MIPOL1: variants seen among roughly 807,000 people sequenced by gnomAD.
MIPOL1 encodes the protein mirror-image polydactyly gene 1 protein.
A neutral mutation model predicts 60.9 loss-of-function variants in MIPOL1; 57 were observed. The observed-to-expected ratio is 0.94, with a 90% CI of 0.76 to 1.17. MIPOL1 has a LOEUF of 1.17. Ranked by LOEUF, MIPOL1 falls within the 50% of genes most tolerant of loss-of-function variation. MIPOL1 has a pLI of 0.00. For synonymous variants in MIPOL1, 179 were observed against 168.8 expected, an observed-to-expected ratio of 1.06 and a Z score of -0.47; for missense variants, 551 against 511.6, an observed-to-expected ratio of 1.08 and a Z score of -0.74.
chr14:37,304,913 T>A (rs1410136868), intron 7 of MIPOL1, among the ~76,000 whole-genome samples: 1 of 151,848 alleles, frequency 6.6e-6, no homozygotes, highest in Admixed American at 6.6e-5. Context: ...GAAATTCTTT[T>A]GTCTAATTGT....
At chr14:37,360,171 G>T (rs901565245) in intron 9 of MIPOL1, among the ~76,000 whole-genome samples, 1 of 152,056 alleles carries the variant, frequency 6.6e-6, no homozygotes, top group African/African-American at 2.4e-5. Flanking sequence ...GGATGAAGCC[G>T]ACTTGATCTT....
chr14:37,242,382 T>G (rs2153347393), intron 1 of MIPOL1, among the ~76,000 whole-genome samples: 1 of 152,272 alleles, frequency 6.6e-6, no homozygotes, highest in East Asian at 1.9e-4. Context: ...TTTCTGTTTT[T>G]AATTTATCCA....
rs1189803717 is a variant in MIPOL1, at chr14:37,297,080, A to G, written c.624-10976A>G. On this transcript the variant is annotated intron_variant, in intron 7 of 12. Coordinates refer to ENST00000684589, the MANE Select transcript of MIPOL1 (RefSeq NM_001388067.1). ...AATAAAATACTGGCAAACTGAATCC[A>G]GCAGCACATCAAAGAACTTATCCAC... 2.6e-5 allele frequency among the ~76,000 whole-genome samples: 4 copies of G among 152,362 alleles called. No individual in the cohort carries two copies. The East Asian group carries it at 7.7e-4, about 29-fold the overall frequency.
intron 9 of MIPOL1, among the ~76,000 whole-genome samples, chr14:37,318,988 A>G (rs1014003470): frequency 6.6e-6 from 1 of 151,930 alleles, no homozygotes; most frequent in Non-Finnish European, 1.5e-5. Context: ...ACAGGCACAC[A>G]CTACCATGCT....
chr14:37,545,041 G>A (rs1241730163), intron 12 of MIPOL1, among the ~76,000 whole-genome samples: 1 of 152,074 alleles, frequency 6.6e-6, no homozygotes, highest in Non-Finnish European at 1.5e-5. Flanking sequence ...AGACAACATA[G>A]AGCTGACTTT....
intron 7 of MIPOL1, among the ~76,000 whole-genome samples, chr14:37,302,975 C>G (rs1308252851): frequency 1.3e-5 from 2 of 151,630 alleles, no homozygotes; most frequent in African/African-American, 4.8e-5. Context: ...TTTGCGGGTA[C>G]TATAATGTTC....
intron 7 of MIPOL1, among the ~76,000 whole-genome samples, chr14:37,295,639 G>A (rs1162657449): frequency 1.3e-5 from 2 of 152,088 alleles, no homozygotes; most frequent in African/African-American, 2.4e-5. Flanking sequence ...ACAAAAAAAG[G>A]CAGGGGTTGC....
chr14:37,297,381 T>C (rs1409199717), intron 7 of MIPOL1, among the ~76,000 whole-genome samples: 3 of 152,174 alleles, frequency 2.0e-5, no homozygotes, highest in Non-Finnish European at 4.4e-5. Context: ...AGCATTCCCT[T>C]TGAAAACTGG....
At chr14:37,214,226 A>C (rs772203788) in intron 1 of MIPOL1, among the ~76,000 whole-genome samples, 1 of 152,230 alleles carries the variant, frequency 6.6e-6, no homozygotes, top group Non-Finnish European at 1.5e-5. Context: ...TCTCAGTAGA[A>C]AGAATAAATG....
chr14:37,253,711 C>T (rs1278123917), intron 3 of MIPOL1, among the ~76,000 whole-genome samples: 1 of 151,596 alleles, frequency 6.6e-6, no homozygotes, highest in Non-Finnish European at 1.5e-5. Context: ...AGTCTATTTT[C>T]TTCCAATACA....
intron 11 of MIPOL1, among the ~76,000 whole-genome samples, chr14:37,494,738 G>A (rs1434362455): frequency 6.6e-6 from 1 of 152,192 alleles, no homozygotes; most frequent in African/African-American, 2.4e-5. Flanking sequence ...CATTTAGTGA[G>A]TTAACATATA....
chr14:37,356,287 G>T (rs1374903715), intron 9 of MIPOL1, among the ~76,000 whole-genome samples: 1 of 151,766 alleles, frequency 6.6e-6, no homozygotes, highest in Non-Finnish European at 1.5e-5. Context: ...GCTGCGTGCT[G>T]GGAGAACCAC....
Position 37,310,901 on chromosome 14 carries a change from C to T in MIPOL1, c.828+2382C>T, listed in dbSNP as rs143259124. On this transcript the variant is annotated intron_variant, in intron 9 of 12. Transcript: ENST00000684589. Reference sequence around the variant, plus strand: ...AGGGCTTAGCTTTTTAACTTAAAGACCTGTAGAAGTTTGGAATTTGGCAAA... The same window carrying T: ...AGGGCTTAGCTTTTTAACTTAAAGATCTGTAGAAGTTTGGAATTTGGCAAA... 6.0e-4 allele frequency among the ~76,000 whole-genome samples: 91 copies of T among 152,236 alleles called. No individual in the cohort carries two copies. In the East Asian group the frequency reaches 0.016, roughly 27 times the overall value.
chr14:37,211,605 C>A (rs988285205), intron 1 of MIPOL1, among the ~76,000 whole-genome samples: 1 of 152,118 alleles, frequency 6.6e-6, no homozygotes, highest in African/African-American at 2.4e-5. Flanking sequence ...CTGCAGCACT[C>A]TATGTCTCCA....
At chr14:37,243,087 T>C (rs1327633677) in intron 1 of MIPOL1, among the ~76,000 whole-genome samples, 1 of 152,204 alleles carries the variant, frequency 6.6e-6, no homozygotes, top group Non-Finnish European at 1.5e-5. Context: ...ACTGCTGTAA[T>C]GAATATCTTT....
At chr14:37,198,593 T>C (rs2139022477) in intron 1 of MIPOL1, among the ~76,000 whole-genome samples, 1 of 152,172 alleles carries the variant, frequency 6.6e-6, no homozygotes, top group African/African-American at 2.4e-5. Flanking sequence ...TTTTTTTTTC[T>C]TTTTTGATTC....
At chr14:37,398,207 T>G (rs2006063) in intron 10 of MIPOL1, among the ~76,000 whole-genome samples, 114,917 of 151,384 alleles carry the variant, frequency 0.76, 43,975 homozygotes, top group East Asian at 0.85. Flanking sequence ...CTCCAGGTAA[T>G]TTCGGAAACT....
intron 9 of MIPOL1, among the ~76,000 whole-genome samples, chr14:37,362,113 A>T (rs2092290002): frequency 1.3e-5 from 2 of 152,128 alleles, no homozygotes; most frequent in Admixed American, 1.3e-4. Flanking sequence ...ATTTACATTT[A>T]AGGTTAATAT....
At chr14:37,254,112 A>G (rs917230695) in intron 3 of MIPOL1, among the ~76,000 whole-genome samples, 2 of 151,762 alleles carry the variant, frequency 1.3e-5, no homozygotes, top group African/African-American at 4.8e-5. Context: ...GCAGCTGGCC[A>G]GCAAGGATTG....
Sources: allele counts gnomAD v4.1 joint callset (sites outside exome capture counted in the v4.1 genomes callset), GRCh38; gene constraint gnomAD v4.1.1; transcripts MANE v1.5; gene names NCBI Gene and HGNC (gene_info 2026-07-23, HGNC 2026-07-21).